Variants in EPDR1 observed in about 807,000 individuals in gnomAD.
EPDR1 encodes the protein mammalian ependymin-related protein 1.
In EPDR1, 27 loss-of-function variants were observed where a neutral mutation model predicts 23.7. That is an observed-to-expected ratio of 1.14 (90% CI 0.84 to 1.57). The LOEUF (loss-of-function observed/expected upper bound fraction) is 1.57. Ranked by LOEUF, EPDR1 falls within the 40% of genes most tolerant of loss-of-function variation. The probability of loss-of-function intolerance (pLI) is 0.00; values close to 1 mark genes in which losing one functional copy is unlikely to be tolerated. For missense variants in EPDR1, 349 were observed against 290.4 expected, an observed-to-expected ratio of 1.20 and a Z score of -1.47; for synonymous variants, 137 against 118.2, an observed-to-expected ratio of 1.16 and a Z score of -1.03.
At chr7:37,934,828 C>G (rs1277535775) in intron 1 of EPDR1, among the ~76,000 whole-genome samples, 1 of 151,970 alleles carries the variant, frequency 6.6e-6, no homozygotes, top group African/African-American at 2.4e-5. Flanking sequence ...GCCTGTGGTC[C>G]CAGCTGCTTG....
At chr7:37,927,358 C>T (rs1785837394) in intron 1 of EPDR1, among the ~76,000 whole-genome samples, 1 of 150,972 alleles carries the variant, frequency 6.6e-6, no homozygotes. Flanking sequence ...TAATCCAACA[C>T]TACATGGTTC....
chr7:37,938,707 A>G (rs1321752424), intron 1 of EPDR1, among the ~76,000 whole-genome samples: 2 of 152,206 alleles, frequency 1.3e-5, no homozygotes, highest in South Asian at 4.1e-4. Context: ...GCCATGTTTC[A>G]GCTCATGTTA....
intron 1 of EPDR1, among the ~76,000 whole-genome samples, chr7:37,933,833 G>A (rs1210393226): frequency 1.3e-5 from 2 of 152,152 alleles, no homozygotes; most frequent in Non-Finnish European, 2.9e-5. Flanking sequence ...ACAGCTATAA[G>A]TGTCAGAAAA....
chr7:37,920,987 C>A lies in EPDR1; in HGVS notation c.48C>A (p.Ala16=). The part of the protein sequence containing the change: ...PLRTVPGALG[A]WLLGGLWAWT... The stretch of plus-strand genomic sequence containing the variant: ...GCACCGTCCCGGGCGCCCTGGGTGC[C>A]TGGCTGCTGGGCGGCCTCTGGGCCT... The change falls in exon 1 of 3, where the codon GCC becomes GCA. Residue 16 remains alanine, a synonymous_variant. Transcript: ENST00000199448. 6.5e-7 allele frequency: 1 copy of A among 1,544,618 alleles called. No individual in the cohort carries two copies.
chr7:37,936,025 T>TACAC (rs1413606219), intron 1 of EPDR1, among the ~76,000 whole-genome samples: 4 of 105,284 alleles, frequency 3.8e-5, no homozygotes, highest in African/African-American at 1.5e-4. Context: ...TATATATATA[T>TACAC]ATATATATAT....
At chr7:37,948,500 T>C (rs1786328287) in intron 1 of EPDR1, among the ~76,000 whole-genome samples, 1 of 152,064 alleles carries the variant, frequency 6.6e-6, no homozygotes, top group Non-Finnish European at 1.5e-5. Context: ...TGCACTGCCA[T>C]GTCTGGCTAA....
intron 1 of EPDR1, among the ~76,000 whole-genome samples, chr7:37,947,948 G>A (rs1428143289): frequency 2.6e-5 from 4 of 152,358 alleles, no homozygotes; most frequent in South Asian, 2.1e-4. Flanking sequence ...CATTTGCTCT[G>A]GGGTCGCCTC....
At chr7:37,933,663 C>T (rs1004776520) in intron 1 of EPDR1, among the ~76,000 whole-genome samples, 1 of 152,164 alleles carries the variant, frequency 6.6e-6, no homozygotes, top group Non-Finnish European at 1.5e-5. Context: ...TCAGGTTCAC[C>T]TATACCCAGG....
chr7:37,921,520 C>A (rs1302115440), intron 1 of EPDR1: 2 of 1,308,448 alleles, frequency 1.5e-6, no homozygotes, highest in East Asian at 3.1e-5. Flanking sequence ...CGCCCCTGTT[C>A]TCACGCTGCT....
At chr7:37,935,198 T>C (rs10237860) in intron 1 of EPDR1, among the ~76,000 whole-genome samples, 22,793 of 152,170 alleles carry the variant, frequency 0.15, 1,840 homozygotes, top group Middle Eastern at 0.22. Flanking sequence ...AGTGTGATTT[T>C]CTCAACCTCT....
chr7:37,926,604 GGCCAGTT>G, intron 1 of EPDR1: 1 of 440,632 alleles, frequency 2.3e-6, no homozygotes, highest in South Asian at 1.6e-5. Flanking sequence ...AAAGATTGCA[GGCCAGTT>G]ATTTTGTAGA....
chr7:37,947,840 C>T (rs951282859), intron 1 of EPDR1, among the ~76,000 whole-genome samples: 4 of 152,210 alleles, frequency 2.6e-5, no homozygotes, highest in African/African-American at 9.6e-5. Context: ...GACTCCTGGG[C>T]TCAGCCTCTG....
At chr7:37,930,352 C>T (rs532848531) in intron 1 of EPDR1, among the ~76,000 whole-genome samples, 10 of 152,302 alleles carry the variant, frequency 6.6e-5, no homozygotes, top group Admixed American at 3.9e-4. Flanking sequence ...CTCTGCCTGA[C>T]GCAGCATTGT....
chr7:37,923,544 A>G (rs181073560), intron 1 of EPDR1, among the ~76,000 whole-genome samples: 162 of 152,292 alleles, frequency 1.1e-3, no homozygotes, highest in African/African-American at 3.7e-3. Context: ...TTATGTGAAG[A>G]CTTGTACAGT....
intron 2 of EPDR1, among the ~76,000 whole-genome samples, chr7:37,949,423 T>C (rs1218189356): frequency 1.3e-5 from 2 of 152,172 alleles, no homozygotes; most frequent in Non-Finnish European, 2.9e-5. Flanking sequence ...TCAAATCTAC[T>C]CCCATCATGC....
chr7:37,938,979 C>A (rs1786113647), intron 1 of EPDR1, among the ~76,000 whole-genome samples: 1 of 139,384 alleles, frequency 7.2e-6, no homozygotes, highest in African/African-American at 2.6e-5. Context: ...TAGGGCATGA[C>A]CAATTTTTTT....
chr7:37,930,104 G>A (rs1323466819), intron 1 of EPDR1, among the ~76,000 whole-genome samples: 3 of 152,170 alleles, frequency 2.0e-5, no homozygotes, highest in Non-Finnish European at 4.4e-5. Context: ...TACATGCCTT[G>A]GATGACTCCT....
At chr7:37,931,514 A>T (rs542493030) in intron 1 of EPDR1, among the ~76,000 whole-genome samples, 351 of 147,928 alleles carry the variant, frequency 2.4e-3, no homozygotes, top group African/African-American at 8.0e-3. Flanking sequence ...ACTCCATAAA[A>T]AAATAAATAA....
chr7:37,938,487 T>C (rs555842579), intron 1 of EPDR1, among the ~76,000 whole-genome samples: 1 of 152,326 alleles, frequency 6.6e-6, no homozygotes, highest in South Asian at 2.1e-4. Context: ...GCTAAAGCTT[T>C]GGCTAACTTT....
Sources: gnomAD v4.1 joint callset for allele counts (sites outside exome capture counted in the v4.1 genomes callset) on GRCh38, gnomAD v4.1.1 for gene constraint, MANE v1.5 for transcripts, NCBI Gene and HGNC (gene_info 2026-07-23, HGNC 2026-07-21) for gene names.